The following RRAD variants were observed in gnomAD, a reference collection of about 807,000 sequenced individuals.
RRAD encodes GTP-binding protein RAD.
Under a neutral mutation model 24.7 loss-of-function variants are expected in RRAD, and 15 were observed. That is an observed-to-expected ratio of 0.61 (90% CI 0.41 to 0.93). RRAD has a LOEUF of 0.93. Among genes scored for constraint, RRAD ranks in the 40% least tolerant of loss-of-function variants. The pLI, the probability that RRAD is intolerant of heterozygous loss-of-function variation, is 0.00. For synonymous variants in RRAD, 180 were observed against 189.8 expected, an observed-to-expected ratio of 0.95 and a Z score of 0.43; for missense variants, 438 against 452.2, an observed-to-expected ratio of 0.97 and a Z score of 0.29.
Position 66,921,866 on chromosome 16 carries a change from A to C in RRAD, c.*210T>G, listed in dbSNP as rs1276034489. ...GGGACGCATATGAGCCTGCGCATGC[A>C]TCTCTGTGGGCCCAGCCCTCACTGG... On this transcript the variant is annotated 3_prime_UTR_variant, in exon 5 of 5. Transcript: ENST00000299759. 1.8e-6 allele frequency: 1 copy of C among 555,228 alleles called. No homozygotes were observed. The highest frequency in any genetic ancestry group is 2.9e-5 in the East Asian group (1 of 34,526). The allele number at this position is 555,228 out of a possible 1,614,324, so 34.4% of individuals were successfully genotyped here. A position where few individuals can be genotyped will look rare whatever the true frequency, so the allele number is the denominator to read the frequency against.
chr16:66,922,212 C>T lies in RRAD; in HGVS notation c.791G>A (p.Arg264Gln), dbSNP rs758166286. ...RRDSKEANAR[R>Q]QAGTRRRESL... is the part of the protein sequence containing the mutation. ...CTCTCGCCTCCGGGTGCCTGCTTGC[C>T]GTCGTGCGTTGGCTTCTTTGCTGTC... Residue 264 changes from arginine (R) to glutamine (Q), a missense_variant, in exon 5 of 5, where the codon CGG (arginine) becomes CAG (glutamine). Physicochemically the swap from Arg to Gln is conservative, Grantham distance 43 (BLOSUM62 1). Coordinates refer to ENST00000299759, the MANE Select transcript of RRAD (RefSeq NM_004165.3). 18 of 1,614,124 alleles carry T rather than the reference C, an allele frequency of 1.1e-5. No individual in the cohort carries two copies. In the African/African-American group the frequency reaches 2.0e-4, roughly 18 times the overall value.
At position 66,921,934 on chromosome 16, in the gene RRAD, A is replaced by G. The variant is rs1962918243; in HGVS notation, c.*142T>C. 1.4e-6 allele frequency: 1 copy of G among 691,366 alleles called. No homozygotes were observed. Among genetic ancestry groups the G allele is most frequent in the South Asian group, 1.9e-5 (1 of 52,594 alleles). 42.8% of individuals were successfully genotyped at this position (691,366 alleles called of 1,614,324 possible). The stretch of plus-strand genomic sequence containing the variant: ...GCAGGGCAGCACTGTCTATCTGTCC[A>G]TGACCATGAGGTTGGGGGTGCCCGG... On this transcript the variant is annotated 3_prime_UTR_variant, in exon 5 of 5. Transcript: ENST00000299759.
rs1218029261 is a variant in RRAD at position 66,924,819 on chromosome 16, C to A, written c.361G>T (p.Glu121Ter). 3.2e-6 allele frequency: 5 copies of A among 1,565,360 alleles called. No homozygotes were observed. Among genetic ancestry groups the A allele is most frequent in the Non-Finnish European group, 4.3e-6 (5 of 1,156,860 alleles). The change falls in exon 2 of 5, where the codon GAG (glutamate) becomes TAG (stop). Residue 121 changes from glutamate to a stop codon, truncating the protein, a stop_gained. Coordinates refer to ENST00000299759, the MANE Select transcript of RRAD (RefSeq NM_004165.3). LOFTEE classifies it high-confidence loss of function. This position sits in a 1 kb window ranked among gnomAD's most constrained non-coding sequence, Gnocchi z 4.2. Reference sequence around the variant, plus strand: ...AGCTGGGTCCCCTCACCTGCTGCCTCTGCTTCAGGCCCGTCCTCCACACCG... The same window carrying A: ...AGCTGGGTCCCCTCACCTGCTGCCTATGCTTCAGGCCCGTCCTCCACACCG... ...FGGVEDGPEA[E>*]AAGHTYDRSI...
chr16:66,922,443 A>G (rs1360569452), intron 4 of RRAD, 90 bp from the exon 5 acceptor site: 4 of 1,370,808 alleles, frequency 2.9e-6, no homozygotes, highest in Non-Finnish European at 3.9e-6. Context: ...GGAAGCTGCC[A>G]CTCGAGAATT....
rs1291993890 is a variant in RRAD, at chr16:66,923,637, G to A, written c.528C>T (p.Ser176=). 6.2e-7 allele frequency: 1 copy of A among 1,614,108 alleles called. No homozygotes were observed. Among genetic ancestry groups the A allele is most frequent in the South Asian group, 1.1e-5 (1 of 91,080 alleles). Residue 176 remains serine (S), a synonymous_variant, in exon 4 of 5, where the codon AGC becomes AGT. Transcript: ENST00000299759. This position sits in a 1 kb window ranked among gnomAD's most constrained non-coding sequence, Gnocchi z 4.9. The stretch of plus-strand genomic sequence containing the variant: ...CCCGCAGTTCTGAGGCCTTCTCGAA[G>A]CTGCCCTTGTCCGTCACTGAGTACA... ...VIVYSVTDKG[S]FEKASELRVQ...
rs763949227 is a variant in RRAD at position 66,922,308 on chromosome 16, G to A, written c.695C>T (p.Thr232Ile). Residue 232 changes from threonine to isoleucine, a missense_variant, in exon 5 of 5, where the codon ACA (threonine) becomes ATA (isoleucine). Coordinates refer to ENST00000299759, the MANE Select transcript of RRAD (RefSeq NM_004165.3). ...AVVFDCKFIE[T>I]SAALHHNVQA... ...GACATTGTGGTGCAATGCCGCTGAT[G>A]TCTCAATGAACTTGCAGTCAAAGAC... is the stretch of plus-strand genomic sequence containing the variant. The A allele has an allele frequency of 4.4e-6, 7 of 1,608,814 alleles. No individual in the cohort carries two copies. The highest frequency in any genetic ancestry group is 6.0e-6 in the Non-Finnish European group (7 of 1,176,388).
Position 66,924,867 on chromosome 16 carries a change from T to TCTTGCCCACGCCGGGCGCC in RRAD, c.294_312dup (p.Ser105GlyfsTer21). On this transcript the variant is annotated frameshift_variant, in exon 2 of 5. Coordinates refer to ENST00000299759, the MANE Select transcript of RRAD (RefSeq NM_004165.3). LOFTEE classifies it high-confidence loss of function. The surrounding 1 kb of genome is among the most constrained non-coding windows in gnomAD (Gnocchi z 4.2). ...CCGCCGAAGATGCGCGCCAGGGCGC[T>TCTTGCCCACGCCGGGCGCC]CTTGCCCACGCCGGGCGCCCCCAGC... The TCTTGCCCACGCCGGGCGCC allele has an allele frequency of 6.3e-7, 1 of 1,588,066 alleles. No homozygotes were observed. Among genetic ancestry groups the TCTTGCCCACGCCGGGCGCC allele is most frequent in the Non-Finnish European group, 8.5e-7 (1 of 1,172,014 alleles).
At chr16:66,922,628 G>T (rs547228251) in intron 4 of RRAD, among the ~76,000 whole-genome samples, 1 of 152,304 alleles carries the variant, frequency 6.6e-6, no homozygotes, top group African/African-American at 2.4e-5. Context: ...AACAAAGTAC[G>T]ACAGTAGTAA....
At position 66,923,724 on chromosome 16, in the gene RRAD, G is replaced by C. The variant is rs1962951328; in HGVS notation, c.445-4C>G. ...CGGGCAACCAGCGGCCCCCGTCCTG[G>C]AGAACACACAACACACATCTGCCCA... On this transcript the variant is annotated splice_region_variant and splice_polypyrimidine_tract_variant and intron_variant, in intron 3 of 4. Transcript: ENST00000299759. The surrounding 1 kb of genome is among the most constrained non-coding windows in gnomAD (Gnocchi z 4.9). The C allele has an allele frequency of 6.2e-7, 1 of 1,614,034 alleles. No individual in the cohort carries two copies. The highest frequency in any genetic ancestry group is 8.5e-7 in the Non-Finnish European group (1 of 1,180,012).
Position 66,923,563 on chromosome 16 carries a change from A to G in RRAD, c.602T>C (p.Val201Ala). 6.2e-7 allele frequency: 1 copy of G among 1,611,098 alleles called. No homozygotes were observed. The highest frequency in any genetic ancestry group is 1.3e-5 in the African/African-American group (1 of 74,400). ...GCGCACCAGGTCGCTCTTGTTGCCCACGAGGATGATGGGCACATCATCTGT... is the reference window on the plus strand; with the variant it reads ...GCGCACCAGGTCGCTCTTGTTGCCCGCGAGGATGATGGGCACATCATCTGT... ...RQTDDVPIIL[V>A]GNKSDLVRSR... The change falls in exon 4 of 5, where the codon GTG (valine) becomes GCG (alanine). Residue 201 changes from valine to alanine, a missense_variant. Transcript: ENST00000299759. The surrounding 1 kb of genome is among the most constrained non-coding windows in gnomAD (Gnocchi z 4.9).
At position 66,923,965 on chromosome 16, in the gene RRAD, C is replaced by CG; in HGVS notation, c.371-47dup. ...CAGGTTACCAGCTGGTTGTCAAAGC[C>CG]GCTGCTGCCAGGTTTCCTGTTCTGG... is the stretch of plus-strand genomic sequence containing the variant. On this transcript the variant is annotated intron_variant, in intron 2 of 4. Transcript: ENST00000299759. This position sits in a 1 kb window ranked among gnomAD's most constrained non-coding sequence, Gnocchi z 4.9. 1 of 1,514,206 alleles carries CG rather than the reference C, an allele frequency of 6.6e-7. No individual in the cohort carries two copies. 93.8% of individuals were successfully genotyped at this position (1,514,206 alleles called of 1,614,324 possible).
chr16:66,922,766 T>G (rs1362434807), intron 4 of RRAD, among the ~76,000 whole-genome samples: 1 of 152,206 alleles, frequency 6.6e-6, no homozygotes, highest in Non-Finnish European at 1.5e-5. Flanking sequence ...CACTGAAAGC[T>G]CCGCCTCCCG....
At position 66,923,595 on chromosome 16, in the gene RRAD, T is replaced by C. The variant is rs1464623571; in HGVS notation, c.570A>G (p.Ala190=). 3.1e-6 allele frequency: 5 copies of C among 1,613,326 alleles called. No individual in the cohort carries two copies. Among genetic ancestry groups the C allele is most frequent in the Non-Finnish European group, 4.2e-6 (5 of 1,179,974 alleles). The change falls in exon 4 of 5, where the codon GCA becomes GCG. Residue 190 remains alanine, a synonymous_variant. Transcript: ENST00000299759. The surrounding 1 kb of genome is among the most constrained non-coding windows in gnomAD (Gnocchi z 4.9). ...TGATGGGCACATCATCTGTTTGCCG[T>C]GCACGCCGCAGCTGGACCCGCAGTT... is the stretch of plus-strand genomic sequence containing the variant. ...ASELRVQLRR[A]RQTDDVPIIL...
At position 66,924,258 on chromosome 16, in the gene RRAD, C is replaced by A. The variant is rs995592741; in HGVS notation, c.371-339G>T. 3.9e-5 allele frequency among the ~76,000 whole-genome samples: 6 copies of A among 152,224 alleles called. No individual in the cohort carries two copies. The highest frequency in any genetic ancestry group is 1.4e-4 in the African/African-American group (6 of 41,450). ...CAGAGTAGCCATATCTATGCCCTGG[C>A]CTTCTACTCTGGGCATTTCTTCCCT... On this transcript the variant is annotated intron_variant, in intron 2 of 4. Coordinates refer to ENST00000299759, the MANE Select transcript of RRAD (RefSeq NM_004165.3). The surrounding 1 kb of genome is among the most constrained non-coding windows in gnomAD (Gnocchi z 4.2).
At position 66,923,610 on chromosome 16, in the gene RRAD, G is replaced by C. The variant is rs1455213282; in HGVS notation, c.555C>G (p.Val185=). 1 of 1,613,714 alleles carries C rather than the reference G, an allele frequency of 6.2e-7. No individual in the cohort carries two copies. Among genetic ancestry groups the C allele is most frequent in the South Asian group, 1.1e-5 (1 of 91,076 alleles). The change falls in exon 4 of 5, where the codon GTC becomes GTG. Residue 185 remains valine, a synonymous_variant. Coordinates refer to ENST00000299759, the MANE Select transcript of RRAD (RefSeq NM_004165.3). This position sits in a 1 kb window ranked among gnomAD's most constrained non-coding sequence, Gnocchi z 4.9. ...CTGTTTGCCGTGCACGCCGCAGCTG[G>C]ACCCGCAGTTCTGAGGCCTTCTCGA... ...GSFEKASELR[V]QLRRARQTDD... is the part of the protein sequence containing the mutation.
rs1477888765 is a variant in RRAD, at chr16:66,922,004, C to T, written c.*72G>A. The T allele has an allele frequency of 1.4e-6, 2 of 1,434,958 alleles. No homozygotes were observed. Among genetic ancestry groups the T allele is most frequent in the Admixed American group, 2.0e-5 (1 of 51,254 alleles). The allele number at this position is 1,434,958 out of a possible 1,614,324, so 88.9% of individuals were successfully genotyped here. On this transcript the variant is annotated 3_prime_UTR_variant, in exon 5 of 5. Transcript: ENST00000299759. ...CAGAGTCTGAGCCTGCTCTGAGGCA[C>T]CCGGGGCAGTTGGCTGGGCCAGCCC...
Position 66,923,508 on chromosome 16 carries a change from C to A in RRAD, c.649+8G>T. The A allele has an allele frequency of 6.3e-7, 1 of 1,599,350 alleles. No homozygotes were observed. Among genetic ancestry groups the A allele is most frequent in the South Asian group, 1.1e-5 (1 of 90,664 alleles). On this transcript the variant is annotated splice_region_variant and intron_variant, in intron 4 of 4. Coordinates refer to ENST00000299759, the MANE Select transcript of RRAD (RefSeq NM_004165.3). The surrounding 1 kb of genome is among the most constrained non-coding windows in gnomAD (Gnocchi z 4.9). ...TCTCCCTCCCCCTGCAACCTGCCGC[C>A]TACTCACCATCCACCGAGACCTCAC...
intron 4 of RRAD, among the ~76,000 whole-genome samples, chr16:66,922,916 C>G (rs748360368): frequency 6.6e-6 from 1 of 152,198 alleles, no homozygotes; most frequent in African/African-American, 2.4e-5. Flanking sequence ...CTCCTGACCT[C>G]GTGATCCACC....
At position 66,923,779 on chromosome 16, in the gene RRAD, G is replaced by A; in HGVS notation, c.445-59C>T. 1 of 1,609,944 alleles carries A rather than the reference G, an allele frequency of 6.2e-7. No homozygotes were observed. On this transcript the variant is annotated intron_variant, in intron 3 of 4. Coordinates refer to ENST00000299759, the MANE Select transcript of RRAD (RefSeq NM_004165.3). The surrounding 1 kb of genome is among the most constrained non-coding windows in gnomAD (Gnocchi z 4.9). ...TCCTCATGCCCCCGACACGAGCCTG[G>A]CACTCCCAGACCTCTAACCCAACTC...
Sources: allele counts gnomAD v4.1 joint callset (sites outside exome capture counted in the v4.1 genomes callset), GRCh38; gene constraint gnomAD v4.1.1; non-coding constraint Gnocchi (gnomAD v3.1); transcripts MANE v1.5; gene names NCBI Gene and HGNC (gene_info 2026-07-23, HGNC 2026-07-21).